The following ZDHHC3 variants were observed in gnomAD, a reference collection of about 807,000 sequenced individuals.
The protein encoded by ZDHHC3 is palmitoyltransferase ZDHHC3.
Under a neutral mutation model 30.6 loss-of-function variants are expected in ZDHHC3, and 9 were observed. That is an observed-to-expected ratio of 0.29 (90% CI 0.18 to 0.51). The LOEUF (loss-of-function observed/expected upper bound fraction) is 0.51, where lower values mean the gene tolerates loss of function less well. Ranked by LOEUF, ZDHHC3 falls within the 20% of genes least tolerant of loss-of-function variation. The probability of loss-of-function intolerance (pLI) is 0.97; values close to 1 mark genes in which losing one functional copy is unlikely to be tolerated. For missense variants in ZDHHC3, 246 were observed against 384.2 expected, an observed-to-expected ratio of 0.64 and a Z score of 3.01; for synonymous variants, 136 against 140.2, an observed-to-expected ratio of 0.97 and a Z score of 0.21.
intron 2 of ZDHHC3, among the ~76,000 whole-genome samples, chr3:44,945,830 T>C (rs540501662): frequency 6.6e-6 from 1 of 152,348 alleles, no homozygotes; most frequent in Admixed American, 6.5e-5. Context: ...GTGCTGGGAT[T>C]ACAGGTGCAA....
chr3:44,919,863 A>T lies in ZDHHC3; in HGVS notation c.*6826T>A. 1 of 1,007,562 alleles carries T rather than the reference A, an allele frequency of 9.9e-7. No homozygotes were observed. Among genetic ancestry groups the T allele is most frequent in the Non-Finnish European group, 1.2e-6 (1 of 841,590 alleles). The allele number at this position is 1,007,562 out of a possible 1,614,324, so 62.4% of individuals were successfully genotyped here. Reference sequence around the variant, plus strand: ...ACAAAAAGTTTAAAAATAATCAATAATCTGAGACAAAGATTTATGCAATAC... The same window carrying T: ...ACAAAAAGTTTAAAAATAATCAATATTCTGAGACAAAGATTTATGCAATAC... On this transcript the variant is annotated 3_prime_UTR_variant, in exon 7 of 7. Coordinates refer to ENST00000424952, the MANE Select transcript of ZDHHC3 (RefSeq NM_001135179.2).
At chr3:44,926,946 C>T in intron 6 of ZDHHC3, 99 bp from the exon 7 acceptor site, 1 of 1,408,396 alleles carries the variant, frequency 7.1e-7, no homozygotes, top group East Asian at 2.5e-5. Flanking sequence ...TAAATGTTTC[C>T]TTTTTAAAGC....
intron 3 of ZDHHC3, among the ~76,000 whole-genome samples, chr3:44,939,507 A>T (rs1383574153): frequency 6.6e-6 from 1 of 152,028 alleles, no homozygotes; most frequent in Non-Finnish European, 1.5e-5. Flanking sequence ...TCCCCTTCCC[A>T]TCTGGGGAAC....
In ZDHHC3 at chr3:44,923,075, A is replaced by G; in HGVS notation, c.*3614T>C. Reference sequence around the variant, plus strand: ...TGCCAACCTCACATACATGTTTAAAATGTTTGTTTTTTTTTTTTGAGACGG... The same window carrying G: ...TGCCAACCTCACATACATGTTTAAAGTGTTTGTTTTTTTTTTTTGAGACGG... On this transcript the variant is annotated 3_prime_UTR_variant, in exon 7 of 7. Coordinates refer to ENST00000424952, the MANE Select transcript of ZDHHC3 (RefSeq NM_001135179.2). 12 of 964,134 alleles carry G rather than the reference A, an allele frequency of 1.2e-5. No individual in the cohort carries two copies. Among genetic ancestry groups the G allele is most frequent in the Non-Finnish European group, 1.5e-5 (12 of 825,486 alleles). The allele number at this position is 964,134 out of a possible 1,614,324, so 59.7% of individuals were successfully genotyped here.
At chr3:44,964,099 T>C (rs1704721343) in intron 1 of ZDHHC3, among the ~76,000 whole-genome samples, 1 of 152,226 alleles carries the variant, frequency 6.6e-6, no homozygotes, top group African/African-American at 2.4e-5. Context: ...GTTTGGTATA[T>C]GTGCTCAAAT....
At position 44,919,083 on chromosome 3, in the gene ZDHHC3, A is replaced by G. The variant is rs1700415483; in HGVS notation, c.*7606T>C. The G allele has an allele frequency of 1.0e-6, 1 of 985,230 alleles. No homozygotes were observed. The highest frequency in any genetic ancestry group is 1.7e-5 in the African/African-American group (1 of 57,222). The allele number at this position is 985,230 out of a possible 1,614,324, so 61.0% of individuals were successfully genotyped here. On this transcript the variant is annotated 3_prime_UTR_variant, in exon 7 of 7. Transcript: ENST00000424952. The stretch of plus-strand genomic sequence containing the variant: ...TCCCACGCCATTTCAGAGATTTAAG[A>G]TTCTTGACTTTTGAATAAATTCTAA...
At chr3:44,955,469 A>G (rs139877855) in intron 2 of ZDHHC3, among the ~76,000 whole-genome samples, 1,849 of 147,422 alleles carry the variant, frequency 0.013, 24 homozygotes, top group Middle Eastern at 0.032. Context: ...ATATATATAT[A>G]TATATATGTA....
rs1186287756 is a variant in ZDHHC3, at chr3:44,922,424, T to C, written c.*4265A>G. 4 of 985,250 alleles carry C rather than the reference T, an allele frequency of 4.1e-6. No homozygotes were observed. The highest frequency in any genetic ancestry group is 4.8e-6 in the Non-Finnish European group (4 of 829,916). The allele number at this position is 985,250 out of a possible 1,614,324, so 61.0% of individuals were successfully genotyped here. On this transcript the variant is annotated 3_prime_UTR_variant, in exon 7 of 7. Coordinates refer to ENST00000424952, the MANE Select transcript of ZDHHC3 (RefSeq NM_001135179.2). ...CACTGATGAGATGCACAAGGAGTGG[T>C]GGGCAGGCTAATAATTTGGATCTGC...
At chr3:44,929,201 G>A (rs1418399987) in intron 6 of ZDHHC3, 105 bp downstream of exon 6, 36 of 1,453,868 alleles carry the variant, frequency 2.5e-5, no homozygotes, top group Non-Finnish European at 2.2e-5. Context: ...CCAGGGGCCT[G>A]ACCACTGGGC....
Position 44,933,945 on chromosome 3 carries a change from A to G in ZDHHC3, c.471T>C (p.Cys157=), listed in dbSNP as rs1701717684. 3.1e-6 allele frequency: 5 copies of G among 1,614,186 alleles called. No homozygotes were observed. The highest frequency in any genetic ancestry group is 4.2e-6 in the Non-Finnish European group (5 of 1,180,030). Residue 157 remains cysteine (C), a synonymous_variant, in exon 4 of 7, where the codon TGT becomes TGC. Coordinates refer to ENST00000424952, the MANE Select transcript of ZDHHC3 (RefSeq NM_001135179.2). ...CGCCTACACAGTTGTTGACCCAGGG[A>G]CAGTGGTGGTCCATCTTCCGAATGC... ...KRCIRKMDHH[C]PWVNNCVGEN...
rs1701013381 is a variant in ZDHHC3 at position 44,926,618 on chromosome 3, C to A, written c.*71G>T. 9.5e-6 allele frequency: 13 copies of A among 1,371,938 alleles called. No homozygotes were observed. In the Admixed American group the frequency reaches 3.2e-4, roughly 34 times the overall value. The allele number at this position is 1,371,938 out of a possible 1,614,324, so 85.0% of individuals were successfully genotyped here. A position where few individuals can be genotyped will look rare whatever the true frequency, so the allele number is the denominator to read the frequency against. On this transcript the variant is annotated 3_prime_UTR_variant, in exon 7 of 7. Coordinates refer to ENST00000424952, the MANE Select transcript of ZDHHC3 (RefSeq NM_001135179.2). ...GTTTTGCTTTTTCGATTTAAACATT[C>A]ATGAGAACGGATGGGACGGTAGTGC... is the stretch of plus-strand genomic sequence containing the variant.
intron 1 of ZDHHC3, among the ~76,000 whole-genome samples, chr3:44,968,127 T>C (rs1705111237): frequency 6.6e-6 from 1 of 152,016 alleles, no homozygotes. Context: ...GCACAGCACA[T>C]GGATTTTTTT....
intron 1 of ZDHHC3, among the ~76,000 whole-genome samples, chr3:44,968,856 C>T (rs770366972): frequency 1.4e-4 from 21 of 152,302 alleles, no homozygotes; most frequent in Non-Finnish European, 2.5e-4. Flanking sequence ...GAGAACTACC[C>T]GCCCTGCTTC....
intron 3 of ZDHHC3, among the ~76,000 whole-genome samples, chr3:44,942,644 C>A (rs1044096677): frequency 6.6e-6 from 1 of 152,228 alleles, no homozygotes; most frequent in African/African-American, 2.4e-5. Context: ...CCCAGCATAT[C>A]CCTAACTCCA....
At chr3:44,939,428 G>A (rs1266940272) in intron 3 of ZDHHC3, among the ~76,000 whole-genome samples, 1 of 152,204 alleles carries the variant, frequency 6.6e-6, no homozygotes, top group Non-Finnish European at 1.5e-5. Context: ...GGCACCAGGT[G>A]CCATGCTCCC....
Position 44,923,954 on chromosome 3 carries a change from A to C in ZDHHC3, c.*2735T>G, listed in dbSNP as rs72863174. ...TAGATTATAGATTTGCTTGGATCTAAGCCTTTTGCATATTCAGTCTAGTTG... is the reference window on the plus strand; with the variant it reads ...TAGATTATAGATTTGCTTGGATCTACGCCTTTTGCATATTCAGTCTAGTTG... On this transcript the variant is annotated 3_prime_UTR_variant, in exon 7 of 7. Coordinates refer to ENST00000424952, the MANE Select transcript of ZDHHC3 (RefSeq NM_001135179.2). 4 of 985,328 alleles carry C rather than the reference A, an allele frequency of 4.1e-6. No individual in the cohort carries two copies. The South Asian group carries it at 1.9e-4, about 46-fold the overall frequency. 61.0% of individuals were successfully genotyped at this position (985,328 alleles called of 1,614,324 possible).
Position 44,926,382 on chromosome 3 carries a change from G to GA in ZDHHC3, c.*306dup. 9.2e-7 allele frequency: 1 copy of GA among 1,085,738 alleles called. No homozygotes were observed. The highest frequency in any genetic ancestry group is 1.1e-6 in the Non-Finnish European group (1 of 895,168). The allele number at this position is 1,085,738 out of a possible 1,614,324, so 67.3% of individuals were successfully genotyped here. The stretch of plus-strand genomic sequence containing the variant: ...TCAGTTAGTAGAATGGGCACAGCGC[G>GA]AGACAGCGCCCTCTACATTAGTCAT... On this transcript the variant is annotated 3_prime_UTR_variant, in exon 7 of 7. Transcript: ENST00000424952.
intron 1 of ZDHHC3, among the ~76,000 whole-genome samples, chr3:44,971,645 G>C (rs1473145581): frequency 6.6e-6 from 1 of 152,112 alleles, no homozygotes; most frequent in East Asian, 1.9e-4. Context: ...AGCAGGATCT[G>C]TTACCCCCTT....
chr3:44,919,823 T>C lies in ZDHHC3; in HGVS notation c.*6866A>G, dbSNP rs1700469746. 1.0e-6 allele frequency: 1 copy of C among 955,078 alleles called. No homozygotes were observed. Among genetic ancestry groups the C allele is most frequent in the African/African-American group, 1.8e-5 (1 of 56,680 alleles). 59.2% of individuals were successfully genotyped at this position (955,078 alleles called of 1,614,324 possible). ...CTTTGTACTGTTTTTGTCACATTTT[T>C]GTAAGTCTGATTTCACAAAAAGTTT... is the stretch of plus-strand genomic sequence containing the variant. On this transcript the variant is annotated 3_prime_UTR_variant, in exon 7 of 7. Coordinates refer to ENST00000424952, the MANE Select transcript of ZDHHC3 (RefSeq NM_001135179.2).
Sources: gnomAD v4.1 joint callset for allele counts (sites outside exome capture counted in the v4.1 genomes callset) on GRCh38, gnomAD v4.1.1 for gene constraint, MANE v1.5 for transcripts, NCBI Gene and HGNC (gene_info 2026-07-23, HGNC 2026-07-21) for gene names.